The following CDC37L1 variants were observed in gnomAD, a reference collection of about 807,000 sequenced individuals.
CDC37L1 encodes cell division cycle 37 like 1, HSP90 cochaperone, also known as hsp90 co-chaperone Cdc37-like 1.
Under a neutral mutation model 45.9 loss-of-function variants are expected in CDC37L1, and 32 were observed. The ratio of observed to expected loss-of-function variants is 0.70; its 90% CI spans 0.53 to 0.94. The LOEUF (loss-of-function observed/expected upper bound fraction) is 0.94, where lower values mean the gene tolerates loss of function less well. Ranked by LOEUF, CDC37L1 falls within the 40% of genes least tolerant of loss-of-function variation. The probability of loss-of-function intolerance (pLI) is 0.00; values close to 1 mark genes in which losing one functional copy is unlikely to be tolerated. For missense variants in CDC37L1, 434 were observed against 405.7 expected (o/e 1.07, Z -0.60); for synonymous variants, 150 against 133.0 (o/e 1.13, Z -0.88).
At chr9:4,688,180 A>G (rs1407036882) in intron 2 of CDC37L1, among the ~76,000 whole-genome samples, 1 of 152,130 alleles carries the variant, frequency 6.6e-6, no homozygotes, top group Non-Finnish European at 1.5e-5. Context: ...TTGTATTTTT[A>G]GTAGAGACGG....
intron 6 of CDC37L1, among the ~76,000 whole-genome samples, chr9:4,704,778 C>G (rs1331192): frequency 0.09 from 13,747 of 151,902 alleles, 1,259 homozygotes; most frequent in East Asian, 0.45. Context: ...AAGCCAAATA[C>G]CATTCATTAT....
chr9:4,689,340 TC>T (rs1358660304), intron 3 of CDC37L1, among the ~76,000 whole-genome samples: 2 of 152,058 alleles, frequency 1.3e-5, no homozygotes, highest in East Asian at 1.9e-4. Flanking sequence ...TTTTTTTAAT[TC>T]CAAGTAGTAT....
At chr9:4,694,241 G>C (rs181840731) in intron 3 of CDC37L1, among the ~76,000 whole-genome samples, 56 of 152,202 alleles carry the variant, frequency 3.7e-4, no homozygotes, top group Non-Finnish European at 4.7e-4. Flanking sequence ...CGCCATGCCT[G>C]GCTAATTATC....
At chr9:4,682,833 T>G (rs1314538134) in intron 1 of CDC37L1, among the ~76,000 whole-genome samples, 1 of 151,796 alleles carries the variant, frequency 6.6e-6, no homozygotes, top group East Asian at 1.9e-4. Context: ...TTATATAGCT[T>G]AATTTTTCTC....
chr9:4,697,136 T>C lies in CDC37L1; in HGVS notation c.549T>C (p.Ser183=). 2.5e-6 allele frequency: 4 copies of C among 1,592,802 alleles called. No homozygotes were observed. Among genetic ancestry groups the C allele is most frequent in the Non-Finnish European group, 3.4e-6 (4 of 1,161,574 alleles). The stretch of plus-strand genomic sequence containing the variant: ...GGGATGATAGCCAGAGATTTTTGTC[T>C]GACCATCCATACCTTGTATGTGAAG... ...SRWDDSQRFL[S]DHPYLVCEET... Residue 183 remains serine, a synonymous_variant, in exon 4 of 7, where the codon TCT becomes TCC. Transcript: ENST00000381854.
intron 2 of CDC37L1, among the ~76,000 whole-genome samples, chr9:4,686,889 C>T (rs1841252482): frequency 6.6e-6 from 1 of 151,898 alleles, no homozygotes. Context: ...TGATGTAGTG[C>T]CAAAAAAAGT....
intron 6 of CDC37L1, among the ~76,000 whole-genome samples, chr9:4,704,063 G>GA (rs1841422696): frequency 6.6e-6 from 1 of 152,170 alleles, no homozygotes; most frequent in South Asian, 2.1e-4. Context: ...GAAGTAAAAT[G>GA]AGAGGCCACC....
In CDC37L1 at chr9:4,679,587, G is replaced by C. The variant is rs1021086580; in HGVS notation, c.-181G>C. 1.9e-6 allele frequency: 1 copy of C among 530,128 alleles called. No individual in the cohort carries two copies. The highest frequency in any genetic ancestry group is 3.8e-5 in the Admixed American group (1 of 26,602). 32.8% of individuals were successfully genotyped at this position (530,128 alleles called of 1,614,324 possible). A position where few individuals can be genotyped will look rare whatever the true frequency, so the allele number is the denominator to read the frequency against. ...ACTATTTCTTCCGCCGTCCGCCGGT[G>C]GCGAGGCCCAGGCTGTCGCCGGGTG... On this transcript the variant is annotated 5_prime_UTR_variant, in exon 1 of 7. Transcript: ENST00000381854.
intron 6 of CDC37L1, among the ~76,000 whole-genome samples, chr9:4,704,648 T>G (rs1292789194): frequency 6.6e-6 from 1 of 152,170 alleles, no homozygotes; most frequent in African/African-American, 2.4e-5. Flanking sequence ...TTAAAGCTGT[T>G]TTTTTGGAGA....
At chr9:4,682,060 AT>A (rs1284925645) in intron 1 of CDC37L1, among the ~76,000 whole-genome samples, 1 of 152,086 alleles carries the variant, frequency 6.6e-6, no homozygotes, top group African/African-American at 2.4e-5. Context: ...GAATTTTTCG[AT>A]TTGAGAAAAG....
At chr9:4,688,063 T>C (rs1036098638) in intron 2 of CDC37L1, among the ~76,000 whole-genome samples, 2 of 152,220 alleles carry the variant, frequency 1.3e-5, no homozygotes, top group African/African-American at 4.8e-5. Context: ...AGTGGCATGA[T>C]CTCAGCTCAC....
At chr9:4,686,463 T>A (rs950988121) in intron 2 of CDC37L1, among the ~76,000 whole-genome samples, 1 of 152,226 alleles carries the variant, frequency 6.6e-6, no homozygotes, top group African/African-American at 2.4e-5. Context: ...CTTGTGTTAT[T>A]TTCTGTTCTG....
At chr9:4,680,900 A>G (rs1015608388) in intron 1 of CDC37L1, among the ~76,000 whole-genome samples, 8 of 152,238 alleles carry the variant, frequency 5.3e-5, no homozygotes, top group Non-Finnish European at 1.2e-4. Flanking sequence ...GACATTATCA[A>G]TCTTATGTCC....
chr9:4,701,194 T>C (rs1841392849), intron 5 of CDC37L1, among the ~76,000 whole-genome samples: 1 of 152,160 alleles, frequency 6.6e-6, no homozygotes, highest in Admixed American at 6.5e-5. Context: ...CTGTATCATT[T>C]CTCTATATTC....
At chr9:4,685,454 G>A in intron 2 of CDC37L1, 1 of 255,116 alleles carries the variant, frequency 3.9e-6, no homozygotes, top group East Asian at 8.1e-5. Flanking sequence ...ATAAGGATGG[G>A]AAAATATATC....
In CDC37L1 at chr9:4,685,048, G is replaced by A; in HGVS notation, c.304G>A (p.Glu102Lys). ...TGCCAAAGCACAAACAGCAGTATCA[G>A]AACTGAGGCAACGGGAAGAAGAGTG... ...EHAKAQTAVS[E>K]LRQREEEWRQ... The change falls in exon 2 of 7, where the codon GAA becomes AAA. Residue 102 changes from glutamate (E) to lysine (K), a missense_variant. Transcript: ENST00000381854. 1.9e-6 allele frequency: 3 copies of A among 1,614,094 alleles called. No homozygotes were observed. The highest frequency in any genetic ancestry group is 2.5e-6 in the Non-Finnish European group (3 of 1,179,964).
chr9:4,703,227 A>G (rs113401954), intron 6 of CDC37L1: 2 of 957,244 alleles, frequency 2.1e-6, no homozygotes, highest in African/African-American at 1.7e-5. Context: ...TGGGATTTTC[A>G]GTGGCTTGAC....
At chr9:4,692,136 G>A (rs1192909425) in intron 3 of CDC37L1, among the ~76,000 whole-genome samples, 1 of 151,882 alleles carries the variant, frequency 6.6e-6, no homozygotes, top group African/African-American at 2.4e-5. Flanking sequence ...TTCTGACTAT[G>A]AATATTTACA....
chr9:4,707,239 T>G lies in CDC37L1; in HGVS notation c.*1127T>G, dbSNP rs1841452459. 1 of 152,256 alleles carries G rather than the reference T, an allele frequency of 6.6e-6. No individual in the cohort carries two copies. The highest frequency in any genetic ancestry group is 2.4e-5 in the African/African-American group (1 of 41,468). The allele number at this position is 152,256 out of a possible 1,614,324, so 9.4% of individuals were successfully genotyped here. The stretch of plus-strand genomic sequence containing the variant: ...CTTCCTCTGTAAGTCATTTCAGTTA[T>G]GCCAGGATATTTGATGATTTTGTTT... On this transcript the variant is annotated 3_prime_UTR_variant, in exon 7 of 7. Transcript: ENST00000381854.
Sources: allele counts gnomAD v4.1 joint callset (sites outside exome capture counted in the v4.1 genomes callset), GRCh38; gene constraint gnomAD v4.1.1; transcripts MANE v1.5; gene names NCBI Gene and HGNC (gene_info 2026-07-23, HGNC 2026-07-21).